Variants in CDH13 observed in about 807,000 individuals in gnomAD.
CDH13 encodes cadherin-13.
In CDH13, 24 loss-of-function variants were observed where a neutral mutation model predicts 63.8. The observed-to-expected ratio is 0.38, with a 90% CI of 0.27 to 0.53. The LOEUF is 0.53. Among genes scored for constraint, CDH13 ranks in the 20% least tolerant of loss-of-function variants. The pLI is 0.85. For synonymous variants in CDH13, 503 were observed against 355.3 expected (o/e 1.42, Z -4.67); for missense variants, 1,049 against 903.1 (o/e 1.16, Z -2.07).
chr16:82,894,932 G>C (rs573360944), intron 2 of CDH13, among the ~76,000 whole-genome samples: 1 of 152,270 alleles, frequency 6.6e-6, no homozygotes, highest in South Asian at 2.1e-4. Flanking sequence ...GCAAGGTGGC[G>C]GATGGGAAAG....
chr16:82,971,930 C>T (rs949536381), intron 2 of CDH13, among the ~76,000 whole-genome samples: 3 of 152,116 alleles, frequency 2.0e-5, no homozygotes, highest in Non-Finnish European at 2.9e-5. Context: ...GGAGGATGAC[C>T]TGTGTGGGGA....
intron 5 of CDH13, among the ~76,000 whole-genome samples, chr16:83,337,209 T>C (rs1054676635): frequency 1.3e-5 from 2 of 152,198 alleles, no homozygotes; most frequent in East Asian, 1.9e-4. Context: ...ATGGTTCACA[T>C]TTCTACTGGA....
intron 5 of CDH13, among the ~76,000 whole-genome samples, chr16:83,217,914 G>A (rs1320811283): frequency 6.6e-6 from 1 of 152,174 alleles, no homozygotes. Flanking sequence ...CCATAAAGGA[G>A]TAGTTAAATT....
intron 1 of CDH13, among the ~76,000 whole-genome samples, chr16:82,684,694 C>A (rs188216050): frequency 6.6e-6 from 1 of 151,980 alleles, no homozygotes; most frequent in Non-Finnish European, 1.5e-5. Context: ...TGCTTTTGAT[C>A]CTTTTTCCAA....
At position 83,047,435 on chromosome 16, in the gene CDH13, C is replaced by G. The variant is rs183855886; in HGVS notation, c.366+15217C>G. On this transcript the variant is annotated intron_variant, in intron 3 of 13. Coordinates refer to ENST00000567109, the MANE Select transcript of CDH13 (RefSeq NM_001257.5). This position sits in a 1 kb window ranked among gnomAD's most constrained non-coding sequence, Gnocchi z 4.9. ...GTTAACAAAGCCTAGTCTGTAAGAGCGTGACCACCAGTCTTATTTACCTTG... is the reference window on the plus strand; with the variant it reads ...GTTAACAAAGCCTAGTCTGTAAGAGGGTGACCACCAGTCTTATTTACCTTG... 6.6e-6 allele frequency among the ~76,000 whole-genome samples: 1 copy of G among 152,098 alleles called. No homozygotes were observed. Among genetic ancestry groups the G allele is most frequent in the Non-Finnish European group, 1.5e-5 (1 of 68,032 alleles).
intron 8 of CDH13, among the ~76,000 whole-genome samples, chr16:83,624,295 C>T (rs1268424939): frequency 6.6e-6 from 1 of 152,060 alleles, no homozygotes; most frequent in Non-Finnish European, 1.5e-5. Context: ...GTCACAGTAC[C>T]CCCTCAGACC....
intron 7 of CDH13, among the ~76,000 whole-genome samples, chr16:83,567,342 A>G (rs536626305): frequency 6.6e-6 from 1 of 152,338 alleles, no homozygotes; most frequent in African/African-American, 2.4e-5. Context: ...CACACAGACT[A>G]GAGATAAATC....
intron 1 of CDH13, among the ~76,000 whole-genome samples, chr16:82,834,171 G>C (rs2151118996): frequency 6.6e-6 from 1 of 152,298 alleles, no homozygotes; most frequent in African/African-American, 2.4e-5. Context: ...ACCGGACCCT[G>C]GGAGATCCAT....
intron 1 of CDH13, among the ~76,000 whole-genome samples, chr16:82,764,619 TG>T (rs2034980479): frequency 6.6e-6 from 1 of 152,220 alleles, no homozygotes; most frequent in African/African-American, 2.4e-5. Flanking sequence ...GCATGATGCC[TG>T]GCCCACAGTA....
At chr16:82,945,621 AC>A (rs943937826) in intron 2 of CDH13, among the ~76,000 whole-genome samples, 3 of 151,954 alleles carry the variant, frequency 2.0e-5, no homozygotes, top group African/African-American at 7.3e-5. Flanking sequence ...TTTGGGTGAC[AC>A]CCCTTCTCAT....
intron 6 of CDH13, among the ~76,000 whole-genome samples, chr16:83,463,015 C>T (rs143938434): frequency 6.6e-6 from 1 of 151,988 alleles, no homozygotes; most frequent in Non-Finnish European, 1.5e-5. Flanking sequence ...GTGTGCCAAG[C>T]TCTAGGCAGA....
At chr16:83,673,170 C>T (rs1048209242) in intron 9 of CDH13, among the ~76,000 whole-genome samples, 7 of 152,194 alleles carry the variant, frequency 4.6e-5, no homozygotes, top group African/African-American at 1.4e-4. Context: ...AATTAACTAT[C>T]GCACATCTAC....
chr16:82,759,453 T>C (rs146089016), intron 1 of CDH13, among the ~76,000 whole-genome samples: 2 of 152,132 alleles, frequency 1.3e-5, no homozygotes, highest in African/African-American at 4.8e-5. Flanking sequence ...GTTTCTAATA[T>C]ACTGAATGTT....
chr16:83,157,546 T>C (rs144091230), intron 4 of CDH13, among the ~76,000 whole-genome samples: 1 of 152,240 alleles, frequency 6.6e-6, no homozygotes, highest in East Asian at 1.9e-4. Flanking sequence ...GAGCTTTCTT[T>C]TTATGGAAAC....
At chr16:82,885,703 G>A (rs2040864150) in intron 2 of CDH13, among the ~76,000 whole-genome samples, 1 of 152,110 alleles carries the variant, frequency 6.6e-6, no homozygotes, top group East Asian at 1.9e-4. Flanking sequence ...TTGGTTACAA[G>A]CACAAGATCT....
At chr16:83,587,634 G>C (rs1047417402) in intron 7 of CDH13, among the ~76,000 whole-genome samples, 1 of 152,054 alleles carries the variant, frequency 6.6e-6, no homozygotes, top group Non-Finnish European at 1.5e-5. Context: ...GAATCACCTT[G>C]CTATTTTATG....
chr16:83,608,014 G>A (rs980990402), intron 8 of CDH13, among the ~76,000 whole-genome samples: 2 of 152,156 alleles, frequency 1.3e-5, no homozygotes, highest in South Asian at 4.2e-4. Context: ...AGGTCATGGG[G>A]ATTAATAAAC....
chr16:83,140,741 C>T (rs561455594), intron 4 of CDH13, among the ~76,000 whole-genome samples: 23 of 152,308 alleles, frequency 1.5e-4, no homozygotes, highest in South Asian at 6.2e-4. Context: ...AGGTGCGAGC[C>T]GCTGCACCCG....
At chr16:83,527,426 G>A (rs1365597232) in intron 7 of CDH13, among the ~76,000 whole-genome samples, 1 of 151,726 alleles carries the variant, frequency 6.6e-6, no homozygotes, top group African/African-American at 2.4e-5. Context: ...TCCAGCCTGG[G>A]CGACAAAGCG....
Sources: gnomAD v4.1 joint callset for allele counts (sites outside exome capture counted in the v4.1 genomes callset) on GRCh38, gnomAD v4.1.1 for gene constraint, Gnocchi (gnomAD v3.1) non-coding constraint, MANE v1.5 for transcripts, NCBI Gene and HGNC (gene_info 2026-07-23, HGNC 2026-07-21) for gene names.